The following CTNNBIP1 variants were observed in gnomAD, a reference collection of about 807,000 sequenced individuals.
CTNNBIP1 encodes the protein catenin beta interacting protein 1, also known as beta-catenin-interacting protein 1.
Under a neutral mutation model 11.8 loss-of-function variants are expected in CTNNBIP1, and 7 were observed. The observed-to-expected ratio is 0.60, with a 90% confidence interval of 0.34 to 1.12. The LOEUF is 1.12. CTNNBIP1 is among the 50% of genes most tolerant of loss of function. The pLI is 0.03. For synonymous variants in CTNNBIP1, 58 were observed against 43.9 expected (o/e 1.32, Z -1.26); for missense variants, 101 against 113.4 (o/e 0.89, Z 0.50).
intron 5 of CTNNBIP1, among the ~76,000 whole-genome samples, chr1:9,869,695 T>C (rs985693614): frequency 6.6e-6 from 1 of 152,020 alleles, no homozygotes; most frequent in African/African-American, 2.4e-5. Context: ...TTCCCAAGAG[T>C]ATTCAACTGG....
At chr1:9,892,161 G>C (rs1208367877) in intron 1 of CTNNBIP1, among the ~76,000 whole-genome samples, 1 of 151,784 alleles carries the variant, frequency 6.6e-6, no homozygotes, top group Admixed American at 6.6e-5. Context: ...GGTGGCTCAC[G>C]CCTCTAATCC....
intron 1 of CTNNBIP1, among the ~76,000 whole-genome samples, chr1:9,895,842 G>A (rs1639398700): frequency 1.3e-5 from 2 of 151,976 alleles, no homozygotes; most frequent in African/African-American, 2.4e-5. Context: ...TGCCCAGGCT[G>A]GTCTTGAACT....
chr1:9,904,744 TA>T (rs1253464132), intron 1 of CTNNBIP1, among the ~76,000 whole-genome samples: 1 of 152,138 alleles, frequency 6.6e-6, no homozygotes, highest in Non-Finnish European at 1.5e-5. Context: ...CAAGACTACT[TA>T]AGAGTCACTG....
At chr1:9,901,577 G>A (rs545789272) in intron 1 of CTNNBIP1, among the ~76,000 whole-genome samples, 1 of 152,080 alleles carries the variant, frequency 6.6e-6, no homozygotes, top group African/African-American at 2.4e-5. Context: ...TAGACACTTG[G>A]GTGCTACTCG....
intron 1 of CTNNBIP1, among the ~76,000 whole-genome samples, chr1:9,901,646 A>G (rs1340710256): frequency 6.6e-6 from 1 of 152,128 alleles, no homozygotes; most frequent in Non-Finnish European, 1.5e-5. Flanking sequence ...CCAGCTCTCC[A>G]TGTGGGAGAG....
intron 1 of CTNNBIP1, among the ~76,000 whole-genome samples, chr1:9,889,252 T>C (rs1639247517): frequency 6.6e-6 from 1 of 152,152 alleles, no homozygotes; most frequent in Non-Finnish European, 1.5e-5. Flanking sequence ...TACCCTCATA[T>C]TCCCTCTACA....
intron 5 of CTNNBIP1, among the ~76,000 whole-genome samples, chr1:9,855,847 C>T (rs1052410308): frequency 5.9e-5 from 9 of 151,902 alleles, no homozygotes; most frequent in African/African-American, 2.2e-4. Flanking sequence ...CTCACCTCAG[C>T]CTCCTGAGGA....
At chr1:9,880,890 T>C (rs576060751) in intron 2 of CTNNBIP1, among the ~76,000 whole-genome samples, 18 of 152,312 alleles carry the variant, frequency 1.2e-4, no homozygotes, top group Middle Eastern at 3.4e-3. Flanking sequence ...AGAAAGGAGA[T>C]AGATCGTGAC....
At chr1:9,873,730 G>T (rs973118080) in intron 3 of CTNNBIP1, among the ~76,000 whole-genome samples, 49 of 152,092 alleles carry the variant, frequency 3.2e-4, no homozygotes, top group African/African-American at 1.2e-3. Flanking sequence ...TAGCCAGAAT[G>T]ATCTTATTAT....
At chr1:9,892,362 G>A (rs926935744) in intron 1 of CTNNBIP1, among the ~76,000 whole-genome samples, 12 of 150,168 alleles carry the variant, frequency 8.0e-5, no homozygotes, top group Non-Finnish European at 1.6e-4. Context: ...GCAGAGCTTG[G>A]AGTGAGCCGA....
At chr1:9,900,474 C>T (rs778369237) in intron 1 of CTNNBIP1, among the ~76,000 whole-genome samples, 17 of 152,178 alleles carry the variant, frequency 1.1e-4, no homozygotes, top group Non-Finnish European at 1.8e-4. Context: ...CGGTGCCTGA[C>T]GCTAAGCACT....
chr1:9,861,889 A>C (rs1380008108), intron 5 of CTNNBIP1, among the ~76,000 whole-genome samples: 1 of 152,218 alleles, frequency 6.6e-6, no homozygotes, highest in Admixed American at 6.5e-5. Context: ...AACGTGATGA[A>C]TCTATCCCCA....
intron 2 of CTNNBIP1, among the ~76,000 whole-genome samples, chr1:9,881,365 GT>G (rs1639078449): frequency 9.5e-6 from 1 of 105,190 alleles, no homozygotes; most frequent in Admixed American, 1.3e-4. Flanking sequence ...TGAGAATGGA[GT>G]TTCTCTCTTA....
chr1:9,897,568 C>T (rs1334774770), intron 1 of CTNNBIP1, among the ~76,000 whole-genome samples: 1 of 152,074 alleles, frequency 6.6e-6, no homozygotes, highest in Non-Finnish European at 1.5e-5. Flanking sequence ...AAGAGAATTG[C>T]TTGAACCCAG....
In CTNNBIP1 at chr1:9,871,623, C is replaced by T. The variant is rs1557752596; in HGVS notation, c.96+346G>A. 2.0e-5 allele frequency among the ~76,000 whole-genome samples: 3 copies of T among 152,302 alleles called. No individual in the cohort carries two copies. Among genetic ancestry groups the T allele is most frequent in the African/African-American group, 7.2e-5 (3 of 41,566 alleles). Reference sequence around the variant, plus strand: ...AAATACCCCTGCACATGCATGCCTGCTGCCCCCTCAGCTCCTGTCCTGACA... The same window carrying T: ...AAATACCCCTGCACATGCATGCCTGTTGCCCCCTCAGCTCCTGTCCTGACA... On this transcript the variant is annotated intron_variant, in intron 4 of 5. Transcript: ENST00000377263. This position sits in a 1 kb window ranked among gnomAD's most constrained non-coding sequence, Gnocchi z 5.2.
intron 5 of CTNNBIP1, among the ~76,000 whole-genome samples, chr1:9,860,065 A>G (rs1370028411): frequency 1.3e-5 from 2 of 152,202 alleles, no homozygotes; most frequent in Middle Eastern, 6.3e-3. Context: ...AGGATCCTGC[A>G]AAGTCCAACT....
intron 1 of CTNNBIP1, among the ~76,000 whole-genome samples, chr1:9,906,739 T>C (rs974760432): frequency 5.9e-5 from 9 of 152,128 alleles, no homozygotes; most frequent in Non-Finnish European, 1.2e-4. Flanking sequence ...TACACTATAT[T>C]GCACCCTGGA....
In CTNNBIP1 at chr1:9,872,099, A is replaced by C. The variant is rs756095871; in HGVS notation, c.-24-11T>G. ...TGGCTCTGGGGACTCCTGCAGAGCAAGCAACAGCATCAAAAGGGAAGAGAT... is the reference window on the plus strand; with the variant it reads ...TGGCTCTGGGGACTCCTGCAGAGCACGCAACAGCATCAAAAGGGAAGAGAT... On this transcript the variant is annotated splice_polypyrimidine_tract_variant and intron_variant, in intron 3 of 5. Transcript: ENST00000377263. This position sits in a 1 kb window ranked among gnomAD's most constrained non-coding sequence, Gnocchi z 4.0. The C allele has an allele frequency of 8.7e-6, 13 of 1,491,592 alleles. No individual in the cohort carries two copies. In the South Asian group the frequency reaches 1.0e-4, roughly 12 times the overall value. 92.4% of individuals were successfully genotyped at this position (1,491,592 alleles called of 1,614,324 possible).
chr1:9,897,858 C>T (rs563200246), intron 1 of CTNNBIP1, among the ~76,000 whole-genome samples: 6 of 151,882 alleles, frequency 4.0e-5, no homozygotes, highest in South Asian at 2.1e-4. Flanking sequence ...CGGTGGCTCA[C>T]GCCTGTAATC....
Sources: allele counts gnomAD v4.1 joint callset (sites outside exome capture counted in the v4.1 genomes callset), GRCh38; gene constraint gnomAD v4.1.1; non-coding constraint Gnocchi (gnomAD v3.1); transcripts MANE v1.5; gene names NCBI Gene and HGNC (gene_info 2026-07-23, HGNC 2026-07-21).